Variants in STK3 observed in about 807,000 individuals in gnomAD.
STK3 encodes the protein serine/threonine kinase 3.
STK3 carries 41 observed loss-of-function variants against 58.0 expected under a neutral mutation model. The observed-to-expected ratio is 0.71, with a 90% CI of 0.55 to 0.92. The LOEUF (loss-of-function observed/expected upper bound fraction) is 0.92, where lower values mean the gene tolerates loss of function less well. Among genes scored for constraint, STK3 ranks in the 40% least tolerant of loss-of-function variants. STK3 has a pLI of 0.00. For missense variants in STK3, 479 were observed against 602.7 expected, an observed-to-expected ratio of 0.79 and a Z score of 2.15; for synonymous variants, 170 against 191.0, an observed-to-expected ratio of 0.89 and a Z score of 0.91.
intron 4 of STK3, among the ~76,000 whole-genome samples, chr8:98,727,136 T>C (rs1280851322): frequency 6.6e-6 from 1 of 152,196 alleles, no homozygotes; most frequent in Admixed American, 6.5e-5. Flanking sequence ...TAGCTCCAGA[T>C]TGAACATATG....
At chr8:98,789,949 A>G (rs1453643490) in intron 1 of STK3, among the ~76,000 whole-genome samples, 1 of 147,738 alleles carries the variant, frequency 6.8e-6, no homozygotes, top group Admixed American at 6.9e-5. Flanking sequence ...AATTGCTTGA[A>G]CCCGGGAGGC....
intron 3 of STK3, chr8:98,429,134 G>A (rs756429578): frequency 5.6e-6 from 9 of 1,613,036 alleles, no homozygotes; most frequent in Middle Eastern, 1.6e-4. Context: ...CAGGGACCAC[G>A]GCAGGAAAGC....
intron 1 of STK3, among the ~76,000 whole-genome samples, chr8:98,777,169 A>G (rs1304545828): frequency 1.3e-5 from 2 of 152,208 alleles, no homozygotes; most frequent in African/African-American, 4.8e-5. Flanking sequence ...GAAGAAATGG[A>G]TATCAAATAA....
rs764274573 is a variant in STK3 at position 98,428,857 on chromosome 8, T to C, written n.483+5270A>G. On this transcript the variant is annotated intron_variant and non_coding_transcript_variant, in intron 3 of 3. Coordinates refer to the STK3 transcript ENST00000517832. This position sits in a 1 kb window ranked among gnomAD's most constrained non-coding sequence, Gnocchi z 6.7. The stretch of plus-strand genomic sequence containing the variant: ...CCTACTTTAGCCAACTTGGGCAGGG[T>C]GGCCCAGGTCCTGAGGCTGATGCGG... 111 of 1,613,922 alleles carry C rather than the reference T, an allele frequency of 6.9e-5. No homozygotes were observed. The highest frequency in any genetic ancestry group is 8.0e-5 in the Non-Finnish European group (94 of 1,180,008).
the STK3 span, among the ~76,000 whole-genome samples, chr8:98,359,447 G>T: frequency 1.3e-5 from 2 of 150,380 alleles, no homozygotes; most frequent in East Asian, 3.9e-4. Context: ...CACTTGAACC[G>T]GGGAGGCGGA....
intron 3 of STK3, among the ~76,000 whole-genome samples, chr8:98,834,990 A>G (rs1835694912): frequency 6.6e-6 from 1 of 152,194 alleles, no homozygotes; most frequent in Non-Finnish European, 1.5e-5. Flanking sequence ...TAAGCTCTTG[A>G]TTGGCTATTC....
intron 3 of STK3, among the ~76,000 whole-genome samples, chr8:98,833,052 G>A (rs1388165557): frequency 6.6e-6 from 1 of 152,158 alleles, no homozygotes; most frequent in Non-Finnish European, 1.5e-5. Flanking sequence ...CAAATGTAAG[G>A]ACAATGACCT....
intron 4 of STK3, among the ~76,000 whole-genome samples, chr8:98,722,579 T>C (rs1394340734): frequency 1.3e-5 from 2 of 152,212 alleles, no homozygotes; most frequent in Non-Finnish European, 2.9e-5. Context: ...AAGTTGACAG[T>C]CATTTTCCTA....
intron 3 of STK3, among the ~76,000 whole-genome samples, chr8:98,834,049 C>G (rs1299415075): frequency 2.0e-5 from 3 of 152,154 alleles, no homozygotes; most frequent in Non-Finnish European, 2.9e-5. Flanking sequence ...CAATCACATT[C>G]TACTCCCCTG....
intron 4 of STK3, among the ~76,000 whole-genome samples, chr8:98,728,194 C>T (rs148882874): frequency 7.6e-4 from 116 of 152,268 alleles, no homozygotes; most frequent in African/African-American, 2.6e-3. Flanking sequence ...TCTACCCTCA[C>T]AAATCTATTT....
intron 10 of STK3, among the ~76,000 whole-genome samples, chr8:98,460,589 C>T (rs1819875438): frequency 6.6e-6 from 1 of 152,224 alleles, no homozygotes; most frequent in African/African-American, 2.4e-5. Context: ...CAAATCTCAT[C>T]TTGAAGTGTA....
At chr8:98,523,489 C>T (rs144412044) in intron 10 of STK3, among the ~76,000 whole-genome samples, 2 of 151,956 alleles carry the variant, frequency 1.3e-5, no homozygotes, top group East Asian at 3.9e-4. Flanking sequence ...ATTCTCCTGC[C>T]TCAGCCTCCC....
chr8:98,697,227 G>A (rs1305666936), intron 6 of STK3, among the ~76,000 whole-genome samples: 1 of 152,096 alleles, frequency 6.6e-6, no homozygotes, highest in Non-Finnish European at 1.5e-5. Flanking sequence ...TTTTTATTGT[G>A]TCTATTTGAT....
At chr8:98,504,711 A>C (rs1823912551) in intron 10 of STK3, among the ~76,000 whole-genome samples, 1 of 152,216 alleles carries the variant, frequency 6.6e-6, no homozygotes, top group Admixed American at 6.5e-5. Flanking sequence ...AATGTTGAAT[A>C]CTGGCCCCCA....
At chr8:98,683,337 T>G (rs1823767788) in intron 6 of STK3, among the ~76,000 whole-genome samples, 1 of 152,070 alleles carries the variant, frequency 6.6e-6, no homozygotes, top group South Asian at 2.1e-4. Context: ...TCATTGATTC[T>G]TATGCTAAGT....
At chr8:98,841,844 G>A (rs1374074122) in intron 3 of STK3, among the ~76,000 whole-genome samples, 2 of 152,016 alleles carry the variant, frequency 1.3e-5, no homozygotes, top group African/African-American at 2.4e-5. Flanking sequence ...TCAACAATCA[G>A]GAAAGACAAA....
intron 10 of STK3, among the ~76,000 whole-genome samples, chr8:98,481,249 T>C (rs1490727017): frequency 6.6e-6 from 1 of 151,952 alleles, no homozygotes; most frequent in South Asian, 2.1e-4. Flanking sequence ...GTTCAATGAA[T>C]AAATGAAAAA....
rs139114749 is a variant in STK3, at chr8:98,719,968, T to A, written c.352-12657A>T. ...TCAATGTCTTCCCATTCGCTTCATA[T>A]CCTCCTTAATCAAAAAATGATGCAA... On this transcript the variant is annotated intron_variant, in intron 4 of 10. Coordinates refer to ENST00000419617, the MANE Select transcript of STK3 (RefSeq NM_006281.4). Among the ~76,000 whole-genome samples the A allele has an allele frequency of 4.3e-4, 65 of 152,320 alleles. No individual in the cohort carries two copies. The Middle Eastern group carries it at 0.01, about 24-fold the overall frequency.
chr8:98,581,553 C>T (rs751825853), intron 7 of STK3, among the ~76,000 whole-genome samples: 9 of 151,350 alleles, frequency 5.9e-5, no homozygotes, highest in East Asian at 5.9e-4. Flanking sequence ...TGCTGGTGAC[C>T]GGGGTAGGCC....
Sources: gnomAD v4.1 joint callset for allele counts (sites outside exome capture counted in the v4.1 genomes callset) on GRCh38, gnomAD v4.1.1 for gene constraint, Gnocchi (gnomAD v3.1) non-coding constraint, MANE v1.5 for transcripts, NCBI Gene and HGNC (gene_info 2026-07-23, HGNC 2026-07-21) for gene names.